KANK1: variants seen among roughly 807,000 people sequenced by gnomAD.
KANK1 encodes the protein KN motif and ankyrin repeat domain-containing protein 1.
Under a neutral mutation model 106.2 loss-of-function variants are expected in KANK1, and 109 were observed. The observed-to-expected ratio is 1.03, with a 90% confidence interval of 0.88 to 1.20. The LOEUF (loss-of-function observed/expected upper bound fraction) is 1.20. KANK1 is among the 50% of genes most tolerant of loss of function. The pLI is 0.00. For missense variants in KANK1, 2,399 were observed against 1,710.7 expected (o/e 1.40, Z -7.10); for synonymous variants, 873 against 652.2 (o/e 1.34, Z -5.16).
rs1836947224 is a variant in KANK1, at chr9:745,463, C to G, written c.*228C>G. 6 of 462,280 alleles carry G rather than the reference C, an allele frequency of 1.3e-5. No individual in the cohort carries two copies. In the Admixed American group the frequency reaches 2.0e-4, roughly 15 times the overall value. 28.6% of individuals were successfully genotyped at this position (462,280 alleles called of 1,614,324 possible). On this transcript the variant is annotated 3_prime_UTR_variant, in exon 12 of 12. Coordinates refer to ENST00000382297, the MANE Select transcript of KANK1 (RefSeq NM_015158.5). ...TGTAGGGCACACTTTAACCCAGTCT[C>G]TGTTGCTGTTGAGTCTCTGCTCCGT...
chr9:503,150 T>G (rs111267724), upstream of KANK1, among the ~76,000 whole-genome samples: 3,074 of 152,100 alleles, frequency 0.02, 111 homozygotes, highest in African/African-American at 0.07. Context: ...ACGAGCACTT[T>G]TAAAATGCAG....
chr9:563,792 G>T (rs1439674816), intron 1 of KANK1, among the ~76,000 whole-genome samples: 1 of 152,148 alleles, frequency 6.6e-6, no homozygotes, highest in East Asian at 1.9e-4. Context: ...AGCAAATTCA[G>T]TTCAGCCCGG....
chr9:606,772 C>T (rs955736259), intron 1 of KANK1, among the ~76,000 whole-genome samples: 10 of 151,392 alleles, frequency 6.6e-5, no homozygotes, highest in Non-Finnish European at 8.8e-5. Context: ...AGGACTGAAA[C>T]CAGTAAGCTC....
intron 2 of KANK1, among the ~76,000 whole-genome samples, chr9:696,410 CAA>C (rs938025995): frequency 2.0e-5 from 3 of 151,962 alleles, no homozygotes; most frequent in African/African-American, 4.8e-5. Context: ...ACTTAGGAAA[CAA>C]GAGGGAAGAA....
chr9:608,954 C>T (rs958990196), intron 1 of KANK1, among the ~76,000 whole-genome samples: 12 of 152,072 alleles, frequency 7.9e-5, no homozygotes, highest in African/African-American at 2.9e-4. Context: ...AACACATGGG[C>T]GTATACTCAC....
At chr9:709,205 A>T (rs571773153) in intron 2 of KANK1, among the ~76,000 whole-genome samples, 5 of 152,354 alleles carry the variant, frequency 3.3e-5, no homozygotes, top group African/African-American at 7.2e-5. Context: ...TTTGTTTTTA[A>T]ATGAGGAGAG....
intron 1 of KANK1, among the ~76,000 whole-genome samples, chr9:532,557 G>A (rs1486828563): frequency 2.0e-5 from 3 of 151,504 alleles, no homozygotes; most frequent in South Asian, 2.1e-4. Flanking sequence ...TCCAGCCCCT[G>A]GTAACAACCA....
chr9:738,549 G>T, intron 8 of KANK1, 45 bp downstream of exon 8: 1 of 1,476,422 alleles, frequency 6.8e-7, no homozygotes, highest in South Asian at 1.1e-5. Context: ...ACAGTACTTG[G>T]GTTGTGACTC....
chr9:632,638 T>C (rs573412218), intron 1 of KANK1, among the ~76,000 whole-genome samples: 8 of 152,296 alleles, frequency 5.3e-5, no homozygotes, highest in African/African-American at 1.9e-4. Flanking sequence ...TTGTAATTGA[T>C]TATCACATTA....
At chr9:596,142 C>A (rs988991707) in intron 1 of KANK1, among the ~76,000 whole-genome samples, 1 of 151,840 alleles carries the variant, frequency 6.6e-6, no homozygotes, top group South Asian at 2.1e-4. Flanking sequence ...TGGCTGTAAC[C>A]TGTCACATGA....
intron 1 of KANK1, among the ~76,000 whole-genome samples, chr9:507,018 C>G (rs1056102610): frequency 1.4e-4 from 22 of 152,152 alleles, no homozygotes; most frequent in Admixed American, 1.3e-3. Context: ...TGAAGCTATC[C>G]AAATTATGCA....
chr9:711,101 A>C lies in KANK1; in HGVS notation c.335A>C (p.Gln112Pro), dbSNP rs751635469. The C allele has an allele frequency of 3.7e-6, 6 of 1,614,060 alleles. No homozygotes were observed. The Admixed American group carries it at 8.3e-5, about 22-fold the overall frequency. The change falls in exon 3 of 12, where the codon CAA (glutamine) becomes CCA (proline). Residue 112 changes from glutamine (Q) to proline (P), a missense_variant. Coordinates refer to ENST00000382297, the MANE Select transcript of KANK1 (RefSeq NM_015158.5). Reference protein sequence around the residue: ...QCPNFLIARSQVTSTPISKPP... With the variant: ...QCPNFLIARSPVTSTPISKPP... ...CCCAACTTCCTCATAGCCAGAAGTCAAGTTACATCAACTCCAATCTCAAAG... is the reference window on the plus strand; with the variant it reads ...CCCAACTTCCTCATAGCCAGAAGTCCAGTTACATCAACTCCAATCTCAAAG...
chr9:690,921 C>A (rs117089943), intron 2 of KANK1, among the ~76,000 whole-genome samples: 1 of 152,160 alleles, frequency 6.6e-6, no homozygotes, highest in Non-Finnish European at 1.5e-5. Flanking sequence ...GGCTACTCTC[C>A]GCCTGTCAGA....
At chr9:543,482 C>T (rs569124200) in intron 1 of KANK1, among the ~76,000 whole-genome samples, 1 of 151,128 alleles carries the variant, frequency 6.6e-6, no homozygotes, top group East Asian at 1.9e-4. Flanking sequence ...TTGCTTGAAC[C>T]CAGGAAGTGG....
At chr9:541,810 C>T (rs1006780889) in intron 1 of KANK1, among the ~76,000 whole-genome samples, 1 of 152,180 alleles carries the variant, frequency 6.6e-6, no homozygotes, top group African/African-American at 2.4e-5. Flanking sequence ...AATGAACAGG[C>T]CGGGCGCGGT....
intron 1 of KANK1, among the ~76,000 whole-genome samples, chr9:542,038 G>C (rs928904959): frequency 6.6e-6 from 1 of 151,534 alleles, no homozygotes; most frequent in African/African-American, 2.4e-5. Flanking sequence ...GCAGTGAGCC[G>C]AGATCGCGCC....
At chr9:525,248 G>T (rs1006348048) in intron 1 of KANK1, among the ~76,000 whole-genome samples, 3 of 151,382 alleles carry the variant, frequency 2.0e-5, no homozygotes, top group Admixed American at 1.3e-4. Context: ...ACCCACCTTG[G>T]CCTCCCAAAG....
intron 2 of KANK1, among the ~76,000 whole-genome samples, chr9:703,532 T>C (rs1432066005): frequency 3.9e-5 from 6 of 152,136 alleles, no homozygotes; most frequent in Non-Finnish European, 8.8e-5. Flanking sequence ...AAAAAATTTT[T>C]GTAAACACCA....
intron 3 of KANK1, among the ~76,000 whole-genome samples, chr9:727,423 C>G (rs1338476683): frequency 6.6e-6 from 1 of 151,900 alleles, no homozygotes; most frequent in Non-Finnish European, 1.5e-5. Context: ...TCAAGTGATT[C>G]TCCTACCTCA....
Sources: allele counts gnomAD v4.1 joint callset (sites outside exome capture counted in the v4.1 genomes callset), GRCh38; gene constraint gnomAD v4.1.1; transcripts MANE v1.5; gene names NCBI Gene and HGNC (gene_info 2026-07-23, HGNC 2026-07-21).